Variants in CRPPA observed in about 807,000 individuals in gnomAD.
CRPPA encodes CDP-L-ribitol pyrophosphorylase A, also known as D-ribitol-5-phosphate cytidylyltransferase.
A neutral mutation model predicts 52.0 loss-of-function variants in CRPPA; 43 were observed. The observed-to-expected ratio is 0.83, with a 90% confidence interval of 0.65 to 1.07. CRPPA has a LOEUF of 1.07. Among genes scored for constraint, CRPPA ranks in the 50% least tolerant of loss-of-function variants. The pLI is 0.00. For missense variants in CRPPA, 629 were observed against 551.7 expected (o/e 1.14, Z -1.40); for synonymous variants, 250 against 203.5 (o/e 1.23, Z -1.94).
intron 8 of CRPPA, among the ~76,000 whole-genome samples, chr7:16,255,386 A>G (rs1783610208): frequency 6.6e-6 from 1 of 152,216 alleles, no homozygotes; most frequent in South Asian, 2.1e-4. Flanking sequence ...TTATAGATTC[A>G]GTGCTATCCC....
At chr7:16,274,218 T>A (rs1432628162) in intron 6 of CRPPA, among the ~76,000 whole-genome samples, 1 of 151,902 alleles carries the variant, frequency 6.6e-6, no homozygotes, top group Non-Finnish European at 1.5e-5. Flanking sequence ...CCCAGCTAAT[T>A]TTTTGTATTT....
intron 8 of CRPPA, among the ~76,000 whole-genome samples, chr7:16,226,049 T>C (rs1782642661): frequency 6.6e-6 from 1 of 151,976 alleles, no homozygotes; most frequent in African/African-American, 2.4e-5. Flanking sequence ...CCTCCACCAA[T>C]TCATCCTGTG....
chr7:16,306,549 G>A (rs753230185), intron 4 of CRPPA, among the ~76,000 whole-genome samples: 34 of 152,184 alleles, frequency 2.2e-4, no homozygotes, highest in Non-Finnish European at 3.4e-4. Flanking sequence ...CAAACTTGAT[G>A]AGGGCTCAGA....
intron 9 of CRPPA, among the ~76,000 whole-genome samples, chr7:16,170,414 T>C (rs1405597871): frequency 6.6e-6 from 1 of 152,234 alleles, no homozygotes; most frequent in Non-Finnish European, 1.5e-5. Context: ...TTATTCCTTC[T>C]GATGTTCGGA....
At chr7:16,247,730 C>A (rs1242180269) in intron 8 of CRPPA, among the ~76,000 whole-genome samples, 1 of 152,100 alleles carries the variant, frequency 6.6e-6, no homozygotes, top group African/African-American at 2.4e-5. Flanking sequence ...GTGAAATAAA[C>A]TGAAGTATGC....
At chr7:16,286,037 AAATATAAATAT>A (rs1562608308) in intron 5 of CRPPA, among the ~76,000 whole-genome samples, 167 of 15,090 alleles carry the variant, frequency 0.011, 3 homozygotes, top group Middle Eastern at 0.019. Context: ...AAAAAAAAAA[AAATATAAATAT>A]ATATATATAT....
rs537383948 is a variant in CRPPA, at chr7:16,089,729, T to G, written c.*1966A>C. 1.9e-4 allele frequency: 37 copies of G among 195,392 alleles called. No individual in the cohort carries two copies. The highest frequency in any genetic ancestry group is 2.8e-4 in the Non-Finnish European group (25 of 90,252). The allele number at this position is 195,392 out of a possible 1,614,324, so 12.1% of individuals were successfully genotyped here. A position where few individuals can be genotyped will look rare whatever the true frequency, so the allele number is the denominator to read the frequency against. The stretch of plus-strand genomic sequence containing the variant: ...CAACTTAATATTTTATTAACTAAAT[T>G]ATACTAAATGTTACCAGTTGCCTAG... On this transcript the variant is annotated 3_prime_UTR_variant, in exon 10 of 10. Transcript: ENST00000407010.
intron 9 of CRPPA, among the ~76,000 whole-genome samples, chr7:16,156,295 G>C (rs1167114797): frequency 1.3e-5 from 2 of 152,098 alleles, no homozygotes; most frequent in East Asian, 3.9e-4. Flanking sequence ...ACTTTCTCAA[G>C]TTTTGGCCAC....
chr7:16,105,354 G>A lies in CRPPA; in HGVS notation c.1252-13555C>T, dbSNP rs138929230. The stretch of plus-strand genomic sequence containing the variant: ...TATGACATCCCTCATCCTCCTCTAA[G>A]ATGGCACAATGCCAGATGAAAAGAA... On this transcript the variant is annotated intron_variant, in intron 9 of 9. Coordinates refer to ENST00000407010, the MANE Select transcript of CRPPA (RefSeq NM_001101426.4). Among the ~76,000 whole-genome samples the A allele has an allele frequency of 3.4e-3, 512 of 152,310 alleles. 1 individual carries two copies. The highest frequency in any genetic ancestry group is 0.01 in the African/African-American group (425 of 41,574).
intron 9 of CRPPA, among the ~76,000 whole-genome samples, chr7:16,165,507 T>A (rs1237778882): frequency 6.6e-6 from 1 of 152,216 alleles, no homozygotes. Context: ...CATGTTCTTG[T>A]CATTGGAAAA....
At chr7:16,417,768 C>T (rs1482274257) in intron 1 of CRPPA, among the ~76,000 whole-genome samples, 2 of 152,048 alleles carry the variant, frequency 1.3e-5, no homozygotes, top group Non-Finnish European at 2.9e-5. Context: ...CACACATTCC[C>T]TCTGAATCTA....
chr7:16,254,473 C>T (rs1415914785), intron 8 of CRPPA, among the ~76,000 whole-genome samples: 1 of 151,894 alleles, frequency 6.6e-6, no homozygotes, highest in Non-Finnish European at 1.5e-5. Flanking sequence ...TCATTCTGAG[C>T]AAACTATTGC....
intron 9 of CRPPA, among the ~76,000 whole-genome samples, chr7:16,212,495 G>A (rs970693555): frequency 7.9e-5 from 12 of 152,090 alleles, no homozygotes; most frequent in African/African-American, 2.9e-4. Flanking sequence ...TCTGACAAAA[G>A]AACAGTTCCC....
chr7:16,373,195 C>G (rs1354039634), intron 3 of CRPPA, among the ~76,000 whole-genome samples: 1 of 152,022 alleles, frequency 6.6e-6, no homozygotes, highest in East Asian at 1.9e-4. Context: ...ATTTGGGAGG[C>G]TGAGGCAGGA....
intron 8 of CRPPA, among the ~76,000 whole-genome samples, chr7:16,241,194 CTT>C (rs1402397451): frequency 6.6e-6 from 1 of 151,850 alleles, no homozygotes; most frequent in Non-Finnish European, 1.5e-5. Flanking sequence ...ACTTTCTTTT[CTT>C]TTCTTTTTTT....
chr7:16,387,086 TACAC>T (rs373538470), intron 2 of CRPPA, among the ~76,000 whole-genome samples: 1,002 of 55,734 alleles, frequency 0.018, 22 homozygotes, highest in African/African-American at 0.088. Flanking sequence ...TATATATATA[TACAC>T]ACATATATAT....
chr7:16,421,097 G>C lies in CRPPA; in HGVS notation c.226C>G (p.Leu76Val), dbSNP rs939213590. The C allele has an allele frequency of 1.2e-5, 15 of 1,298,676 alleles. No individual in the cohort carries two copies. In the African/African-American group the frequency reaches 2.3e-4, roughly 20 times the overall value. The allele number at this position is 1,298,676 out of a possible 1,614,324, so 80.4% of individuals were successfully genotyped here. A position where few individuals can be genotyped will look rare whatever the true frequency, so the allele number is the denominator to read the frequency against. Reference protein sequence around the residue: ...KQFCPILERPLISYTLQALER... With the variant: ...KQFCPILERPVISYTLQALER... The stretch of plus-strand genomic sequence containing the variant: ...AGGGCCTGTAGGGTGTAGCTGATGA[G>C]CGGCCTCTCCAGGATGGGGCAGAAT... Residue 76 changes from leucine to valine, a missense_variant, in exon 1 of 10, where the codon CTC becomes GTC. Physicochemically the swap from Leu to Val is conservative, Grantham distance 32. Transcript: ENST00000407010.
intron 9 of CRPPA, among the ~76,000 whole-genome samples, chr7:16,147,336 A>G (rs989107642): frequency 2.0e-5 from 3 of 152,200 alleles, no homozygotes; most frequent in Admixed American, 1.3e-4. Context: ...TGCAGGCCAC[A>G]TGCTTTACCT....
At chr7:16,326,694 T>C (rs1785399422) in intron 3 of CRPPA, among the ~76,000 whole-genome samples, 1 of 152,212 alleles carries the variant, frequency 6.6e-6, no homozygotes, top group African/African-American at 2.4e-5. Flanking sequence ...TCCTATAGCA[T>C]TTGTTAAGTA....
Sources: allele counts gnomAD v4.1 joint callset (sites outside exome capture counted in the v4.1 genomes callset), GRCh38; gene constraint gnomAD v4.1.1; transcripts MANE v1.5; gene names NCBI Gene and HGNC (gene_info 2026-07-23, HGNC 2026-07-21).